Variants in TRIM65 observed in about 807,000 individuals in gnomAD.
TRIM65 encodes the protein E3 ubiquitin-protein ligase TRIM65.
Under a neutral mutation model 36.1 loss-of-function variants are expected in TRIM65, and 46 were observed. The observed-to-expected ratio is 1.27, with a 90% CI of 1.01 to 1.63. The LOEUF (loss-of-function observed/expected upper bound fraction) is 1.63, where lower values mean the gene tolerates loss of function less well. Ranked by LOEUF, TRIM65 falls within the 40% of genes most tolerant of loss-of-function variation. The pLI, the probability that TRIM65 is intolerant of heterozygous loss-of-function variation, is 0.00. For synonymous variants in TRIM65, 346 were observed against 313.6 expected, an observed-to-expected ratio of 1.10 and a Z score of -1.09; for missense variants, 708 against 696.6, an observed-to-expected ratio of 1.02 and a Z score of -0.18.
downstream of TRIM65, among the ~76,000 whole-genome samples, chr17:75,879,880 A>C (rs2065158854): frequency 6.7e-6 from 1 of 150,338 alleles, no homozygotes; most frequent in Non-Finnish European, 1.5e-5. Context: ...CGGACTCTTG[A>C]GTAGCTGGGA....
At chr17:75,880,044 G>A (rs561114940), downstream of TRIM65, among the ~76,000 whole-genome samples, 4 of 150,930 alleles carry the variant, frequency 2.7e-5, 1 homozygote, top group African/African-American at 9.9e-5. Flanking sequence ...ATGAGCCACC[G>A]CACCCAGAGA....
intron 4 of TRIM65, among the ~76,000 whole-genome samples, chr17:75,883,343 C>G (rs149668844): frequency 6.8e-4 from 97 of 142,730 alleles, no homozygotes; most frequent in African/African-American, 2.7e-3. Context: ...TCTTGAACTC[C>G]TGACCACAGG....
chr17:75,896,530 C>T lies in TRIM65; in HGVS notation c.408G>A (p.Lys136=). 1.5e-6 allele frequency: 2 copies of T among 1,344,890 alleles called. No homozygotes were observed. The highest frequency in any genetic ancestry group is 1.9e-6 in the Non-Finnish European group (2 of 1,050,638). 83.3% of individuals were successfully genotyped at this position (1,344,890 alleles called of 1,614,324 possible). Residue 136 remains lysine (K), a synonymous_variant, in exon 1 of 6, where the codon AAG becomes AAA. Coordinates refer to ENST00000269383, the MANE Select transcript of TRIM65 (RefSeq NM_173547.4). ...CTCCCGGCGGATGCGTCACCTCGCG[C>T]TTGAGGCGCTCGGCATCCAGCAGCG... ...ERALLDAERL[K]REAQLRASLE...
At chr17:75,888,412 A>G (rs528080351), downstream of TRIM65, among the ~76,000 whole-genome samples, 12 of 151,982 alleles carry the variant, frequency 7.9e-5, no homozygotes, top group Non-Finnish European at 1.6e-4. Context: ...ACACGCTCGC[A>G]GAATATAGAA....
Position 75,892,500 on chromosome 17 carries a change from T to C in TRIM65, c.511A>G (p.Asn171Asp). 6.2e-7 allele frequency: 1 copy of C among 1,613,370 alleles called. No homozygotes were observed. Among genetic ancestry groups the C allele is most frequent in the Non-Finnish European group, 8.5e-7 (1 of 1,179,610 alleles). The stretch of plus-strand genomic sequence containing the variant: ...CAGGAGGCCAAGATGCAGGCCGAGT[T>C]CTGGGCGGGAACAGGAGGGGCTTCA... ...ELRKQSSQIQNSACILASWVS... is the reference protein window; with the variant it reads ...ELRKQSSQIQDSACILASWVS... Residue 171 changes from asparagine (N) to aspartate (D), a missense_variant and splice_region_variant, in exon 3 of 6, where the codon AAC becomes GAC. By Grantham distance (23) the Asn-to-Asp change is conservative. Coordinates refer to ENST00000269383, the MANE Select transcript of TRIM65 (RefSeq NM_173547.4).
intron 1 of TRIM65, among the ~76,000 whole-genome samples, chr17:75,894,851 G>A (rs1316762214): frequency 6.6e-6 from 1 of 152,200 alleles, no homozygotes; most frequent in Non-Finnish European, 1.5e-5. Flanking sequence ...CGGGGGGTCC[G>A]GCCCCCTCCT....
At chr17:75,893,959 G>A (rs190310759) in intron 1 of TRIM65, among the ~76,000 whole-genome samples, 11 of 152,204 alleles carry the variant, frequency 7.2e-5, no homozygotes, top group African/African-American at 9.6e-5. Context: ...AGTACATCTC[G>A]TCTCATCCTC....
downstream of TRIM65, among the ~76,000 whole-genome samples, chr17:75,887,282 G>A (rs2065215421): frequency 6.6e-6 from 1 of 151,474 alleles, no homozygotes; most frequent in Non-Finnish European, 1.5e-5. Context: ...TCAGGAGTTT[G>A]AGACCAGCCT....
chr17:75,894,667 C>A (rs1015447792), intron 1 of TRIM65, among the ~76,000 whole-genome samples: 3 of 152,246 alleles, frequency 2.0e-5, no homozygotes, highest in African/African-American at 7.2e-5. Flanking sequence ...GGAGCTGGGA[C>A]TACAGGCGCC....
At chr17:75,894,720 A>G (rs564838800) in intron 1 of TRIM65, among the ~76,000 whole-genome samples, 4 of 152,306 alleles carry the variant, frequency 2.6e-5, no homozygotes, top group South Asian at 4.1e-4. Context: ...TAGTAGAGAC[A>G]GGGTTTCACC....
rs2065285745 is a variant in TRIM65 at position 75,892,474 on chromosome 17, C to G, written c.537G>C (p.Trp179Cys). 6.2e-7 allele frequency: 1 copy of G among 1,613,928 alleles called. No homozygotes were observed. The highest frequency in any genetic ancestry group is 1.3e-5 in the African/African-American group (1 of 74,930). Residue 179 changes from tryptophan (W) to cysteine (C), a missense_variant, in exon 3 of 6, where the codon TGG becomes TGC. Coordinates refer to ENST00000269383, the MANE Select transcript of TRIM65 (RefSeq NM_173547.4). ...IQNSACILAS[W>C]VSGKFSSLLQ... is the part of the protein sequence containing the mutation. ...GCAGGCTGCTGAACTTGCCGGAGAC[C>G]CAGGAGGCCAAGATGCAGGCCGAGT...
In TRIM65 at chr17:75,891,259, C is replaced by G. The variant is rs1225907305; in HGVS notation, c.1074G>C (p.Gln358His). Residue 358 changes from glutamine (Q) to histidine (H), a missense_variant, in exon 6 of 6, where the codon CAG (glutamine) becomes CAC (histidine). Transcript: ENST00000269383. ...RQDQQVKHCRQSRGPGGPGSF... is the reference protein window; with the variant it reads ...RQDQQVKHCRHSRGPGGPGSF... ...TGCCGGGCCCGCCTGGGCCCCGGGA[C>G]TGACGACAGTGCTTCACCTGCTGGT... 2 of 1,613,164 alleles carry G rather than the reference C, an allele frequency of 1.2e-6. No individual in the cohort carries two copies. The highest frequency in any genetic ancestry group is 1.7e-6 in the Non-Finnish European group (2 of 1,180,034).
At chr17:75,893,518 C>A (rs1422729951) in intron 1 of TRIM65, among the ~76,000 whole-genome samples, 1 of 152,122 alleles carries the variant, frequency 6.6e-6, no homozygotes, top group East Asian at 1.9e-4. Context: ...GCAGGACAAA[C>A]CACGCAGGTC....
chr17:75,893,239 C>A (rs1478447457), intron 1 of TRIM65, among the ~76,000 whole-genome samples: 1 of 152,184 alleles, frequency 6.6e-6, no homozygotes, highest in Non-Finnish European at 1.5e-5. Flanking sequence ...GCAGGGAGGA[C>A]CCCAAACACT....
Position 75,892,203 on chromosome 17 carries a change from C to A in TRIM65, c.745-18G>T. 1 of 1,578,902 alleles carries A rather than the reference C, an allele frequency of 6.3e-7. No homozygotes were observed. The highest frequency in any genetic ancestry group is 1.2e-5 in the South Asian group (1 of 86,834). On this transcript the variant is annotated intron_variant, in intron 3 of 5. Coordinates refer to ENST00000269383, the MANE Select transcript of TRIM65 (RefSeq NM_173547.4). Reference sequence around the variant, plus strand: ...TGCGATTCCTGAGCCCCAGGGAGAACAAGTAAGCCTGGGCCTGAGGGGCAG... The same window carrying A: ...TGCGATTCCTGAGCCCCAGGGAGAAAAAGTAAGCCTGGGCCTGAGGGGCAG...
chr17:75,883,471 CTTTT>C (rs1031728001), intron 4 of TRIM65, among the ~76,000 whole-genome samples: 5 of 148,986 alleles, frequency 3.4e-5, no homozygotes, highest in African/African-American at 4.9e-5. Context: ...GGTTAAAAAG[CTTTT>C]TTGTTTTTCT....
chr17:75,887,982 T>C (rs1040222742), downstream of TRIM65, among the ~76,000 whole-genome samples: 6 of 151,950 alleles, frequency 3.9e-5, no homozygotes, highest in East Asian at 7.8e-4. Flanking sequence ...GGTGAAACCC[T>C]GTCTCTACTA....
Position 75,896,798 on chromosome 17 carries a change from C to T in TRIM65, c.140G>A (p.Cys47Tyr), listed in dbSNP as rs2065356289. Residue 47 changes from cysteine to tyrosine, a missense_variant, in exon 1 of 6, where the codon TGC (cysteine) becomes TAC (tyrosine). Transcript: ENST00000269383. ...RDWWDRCGKACPECREPFPDG... is the reference protein window; with the variant it reads ...RDWWDRCGKAYPECREPFPDG... ...GGGAAAGGGCTCCCGGCACTCGGGG[C>T]ACGCCTTTCCGCAGCGGTCCCACCA... 1.6e-5 allele frequency: 24 copies of T among 1,510,316 alleles called. No individual in the cohort carries two copies. Among genetic ancestry groups the T allele is most frequent in the Non-Finnish European group, 2.1e-5 (24 of 1,132,616 alleles). The allele number at this position is 1,510,316 out of a possible 1,614,324, so 93.6% of individuals were successfully genotyped here. A position where few individuals can be genotyped will look rare whatever the true frequency, so the allele number is the denominator to read the frequency against.
At chr17:75,883,831 A>C (rs1046629745) in intron 4 of TRIM65, among the ~76,000 whole-genome samples, 19 of 151,782 alleles carry the variant, frequency 1.3e-4, no homozygotes, top group African/African-American at 4.4e-4. Flanking sequence ...CTGGCTTTTT[A>C]TGTATTTTTA....
Sources: gnomAD v4.1 joint callset for allele counts (sites outside exome capture counted in the v4.1 genomes callset) on GRCh38, gnomAD v4.1.1 for gene constraint, MANE v1.5 for transcripts, NCBI Gene and HGNC (gene_info 2026-07-23, HGNC 2026-07-21) for gene names.